SPAG16: variants seen among roughly 807,000 people sequenced by gnomAD.
The protein encoded by SPAG16 is sperm associated antigen 16.
SPAG16 carries 86 observed loss-of-function variants against 80.4 expected under a neutral mutation model. The observed-to-expected ratio is 1.07, with a 90% CI of 0.90 to 1.28. The LOEUF is 1.28. Ranked by LOEUF, SPAG16 falls within the 50% of genes most tolerant of loss-of-function variation. The probability of loss-of-function intolerance (pLI) is 0.00; values close to 1 mark genes in which losing one functional copy is unlikely to be tolerated. For missense variants in SPAG16, 870 were observed against 765.3 expected (o/e 1.14, Z -1.61); for synonymous variants, 294 against 265.9 (o/e 1.11, Z -1.03).
At chr2:214,363,773 G>A in intron 15 of SPAG16, among the ~76,000 whole-genome samples, 1 of 152,066 alleles carries the variant, frequency 6.6e-6, no homozygotes, top group Non-Finnish European at 1.5e-5. Context: ...GGTAATAGGG[G>A]TTACAGAAGT....
At chr2:214,324,942 A>G (rs1696370697) in intron 15 of SPAG16, among the ~76,000 whole-genome samples, 1 of 152,254 alleles carries the variant, frequency 6.6e-6, no homozygotes, top group South Asian at 2.1e-4. Flanking sequence ...TGTCAAATGC[A>G]TGTCATAAAT....
At chr2:213,845,733 A>C (rs1456718410) in intron 10 of SPAG16, among the ~76,000 whole-genome samples, 1 of 152,210 alleles carries the variant, frequency 6.6e-6, no homozygotes, top group Non-Finnish European at 1.5e-5. Flanking sequence ...ATTTGAATGA[A>C]GCTCAGGCAT....
chr2:213,490,936 A>C (rs2074208727), intron 10 of SPAG16, among the ~76,000 whole-genome samples: 1 of 152,132 alleles, frequency 6.6e-6, no homozygotes, highest in Non-Finnish European at 1.5e-5. Context: ...TAACACATAT[A>C]TTTTACCTAT....
intron 15 of SPAG16, among the ~76,000 whole-genome samples, chr2:214,347,788 A>G (rs527713853): frequency 6.6e-6 from 1 of 152,298 alleles, no homozygotes; most frequent in African/African-American, 2.4e-5. Context: ...GAGGGGATAG[A>G]CAGTACAAAA....
At chr2:213,567,339 G>T (rs1415306383) in intron 10 of SPAG16, among the ~76,000 whole-genome samples, 1 of 122,450 alleles carries the variant, frequency 8.2e-6, no homozygotes, top group African/African-American at 3.2e-5. Context: ...CCACTAATGT[G>T]TCATCTAGCA....
chr2:213,605,494 A>G (rs2061225912), intron 10 of SPAG16, among the ~76,000 whole-genome samples: 1 of 151,884 alleles, frequency 6.6e-6, no homozygotes. Context: ...TTACAAAAAT[A>G]TATTTTTTTT....
intron 10 of SPAG16, among the ~76,000 whole-genome samples, chr2:213,844,548 G>A (rs1172750305): frequency 6.6e-6 from 1 of 152,028 alleles, no homozygotes; most frequent in African/African-American, 2.4e-5. Context: ...TTTTTCAGAA[G>A]GCAAAATTAA....
intron 15 of SPAG16, among the ~76,000 whole-genome samples, chr2:214,177,034 T>C (rs1180233989): frequency 1.3e-5 from 2 of 151,196 alleles, no homozygotes; most frequent in African/African-American, 4.8e-5. Flanking sequence ...CTGATGAATA[T>C]AGAATTATTT....
intron 13 of SPAG16, among the ~76,000 whole-genome samples, chr2:214,031,705 C>T (rs2048423917): frequency 6.6e-6 from 1 of 151,690 alleles, no homozygotes; most frequent in African/African-American, 2.4e-5. Context: ...AATTGACTCA[C>T]AGTTTTACAG....
At chr2:214,108,132 T>A (rs1576227263) in intron 13 of SPAG16, 64 bp from the exon 14 acceptor site, 2 of 1,289,432 alleles carry the variant, frequency 1.6e-6, no homozygotes, top group East Asian at 4.7e-5. Flanking sequence ...TAAAAGCATC[T>A]TTGAATTCCT....
intron 10 of SPAG16, among the ~76,000 whole-genome samples, chr2:213,508,083 C>T (rs568359421): frequency 6.6e-6 from 1 of 152,316 alleles, no homozygotes; most frequent in South Asian, 2.1e-4. Flanking sequence ...TACCATTTGA[C>T]CCAGCCATCC....
chr2:214,186,092 A>C (rs2057462307), intron 15 of SPAG16, among the ~76,000 whole-genome samples: 1 of 152,194 alleles, frequency 6.6e-6, no homozygotes, highest in Non-Finnish European at 1.5e-5. Context: ...ATATGAGCTG[A>C]AAATTAAATG....
chr2:214,254,557 A>G (rs1354416477), intron 15 of SPAG16, among the ~76,000 whole-genome samples: 3 of 152,038 alleles, frequency 2.0e-5, no homozygotes, highest in African/African-American at 7.2e-5. Context: ...GTCAGTCAGT[A>G]GTGTTTGAGA....
chr2:213,957,931 C>T (rs750205391), intron 12 of SPAG16, among the ~76,000 whole-genome samples: 1 of 152,134 alleles, frequency 6.6e-6, no homozygotes, highest in African/African-American at 2.4e-5. Flanking sequence ...AAAGCCCCGA[C>T]TGGGAGGAGT....
intron 6 of SPAG16, among the ~76,000 whole-genome samples, chr2:213,348,014 G>A (rs1310568487): frequency 6.6e-6 from 1 of 152,032 alleles, no homozygotes; most frequent in Non-Finnish European, 1.5e-5. Flanking sequence ...TGATTGTGTG[G>A]GAGTCTAAGT....
intron 14 of SPAG16, among the ~76,000 whole-genome samples, chr2:214,120,127 A>G (rs996043122): frequency 1.3e-5 from 2 of 151,346 alleles, no homozygotes; most frequent in Non-Finnish European, 3.0e-5. Context: ...TGTTTTGTCA[A>G]TTCTCTCTAG....
intron 10 of SPAG16, among the ~76,000 whole-genome samples, chr2:213,549,761 C>T: frequency 6.6e-6 from 1 of 152,150 alleles, no homozygotes; most frequent in Non-Finnish European, 1.5e-5. Flanking sequence ...GCATTAAAAA[C>T]AAAATAGAAC....
At position 214,339,164 on chromosome 2, in the gene SPAG16, A is replaced by G. The variant is rs997834078; in HGVS notation, c.1721-70976A>G. 5.9e-5 allele frequency among the ~76,000 whole-genome samples: 9 copies of G among 152,218 alleles called. No individual in the cohort carries two copies. In the East Asian group the frequency reaches 1.3e-3, roughly 23 times the overall value. ...GTGCTATTTAGAGGTTGATTGCATT[A>G]TTAAGAAATTGCCTGTTAAGTTTGG... is the stretch of plus-strand genomic sequence containing the variant. On this transcript the variant is annotated intron_variant, in intron 15 of 15. Transcript: ENST00000331683.
intron 12 of SPAG16, among the ~76,000 whole-genome samples, chr2:213,956,801 C>A (rs1421902327): frequency 6.6e-6 from 1 of 152,048 alleles, no homozygotes; most frequent in Non-Finnish European, 1.5e-5. Flanking sequence ...CTTAGCATGG[C>A]TTTCATTGCA....
Sources: gnomAD v4.1 joint callset for allele counts (sites outside exome capture counted in the v4.1 genomes callset) on GRCh38, gnomAD v4.1.1 for gene constraint, MANE v1.5 for transcripts, NCBI Gene and HGNC (gene_info 2026-07-23, HGNC 2026-07-21) for gene names.